Variants in PKNOX2 observed in about 807,000 individuals in gnomAD.
PKNOX2 encodes the protein PBX/knotted 1 homeobox 2.
A neutral mutation model predicts 53.1 loss-of-function variants in PKNOX2; 14 were observed. That is an observed-to-expected ratio of 0.26 (90% CI 0.17 to 0.41). The LOEUF is 0.41. Ranked by LOEUF, PKNOX2 falls within the 10% of genes least tolerant of loss-of-function variation. PKNOX2 has a pLI of 1.00. For synonymous variants in PKNOX2, 257 were observed against 242.8 expected (o/e 1.06, Z -0.54); for missense variants, 496 against 602.8 (o/e 0.82, Z 1.85).
intron 8 of PKNOX2, 42 bp from the exon 9 acceptor site, chr11:125,410,737 C>A: frequency 1.3e-6 from 2 of 1,482,056 alleles, no homozygotes; most frequent in Non-Finnish European, 1.9e-6. Context: ...CGCTCCTACC[C>A]ACTCCCATGG....
In PKNOX2 at chr11:125,386,713, A is replaced by AACACACACACACACACACACACACAC. The variant is rs3138544; in HGVS notation, c.399+1006_399+1031dup. Among the ~76,000 whole-genome samples, 331 of 141,098 alleles carry AACACACACACACACACACACACACAC rather than the reference A, an allele frequency of 2.3e-3. 4 individuals carry two copies. Among genetic ancestry groups the AACACACACACACACACACACACACAC allele is most frequent in the African/African-American group, 6.7e-3 (249 of 37,272 alleles). 92.6% of individuals were successfully genotyped at this position (141,098 alleles called of 152,430 possible). On this transcript the variant is annotated intron_variant, in intron 6 of 12. Coordinates refer to ENST00000298282, the MANE Select transcript of PKNOX2 (RefSeq NM_001382323.2). ...TGTGGTTCCAGAAAGGAAGAAAAAG[A>AACACACACACACACACACACACACAC]ACACACACACACACACACACACACA...
rs1238369147 is a variant in PKNOX2, at chr11:125,432,559, G to C, written c.*1167G>C. 6.5e-6 allele frequency: 1 copy of C among 152,672 alleles called. No individual in the cohort carries two copies. 9.5% of individuals were successfully genotyped at this position (152,672 alleles called of 1,614,324 possible). A position where few individuals can be genotyped will look rare whatever the true frequency, so the allele number is the denominator to read the frequency against. On this transcript the variant is annotated 3_prime_UTR_variant, in exon 13 of 13. Transcript: ENST00000298282. ...GAGAATGGCACCCAAGAGCCTGCGG[G>C]GATGCCCATCCCACACACCCCACCC...
chr11:125,224,309 G>A (rs1326947372), intron 1 of PKNOX2, among the ~76,000 whole-genome samples: 1 of 152,264 alleles, frequency 6.6e-6, no homozygotes, highest in Non-Finnish European at 1.5e-5. Flanking sequence ...CTGCTCAGGA[G>A]AGAGATTGTT....
At chr11:125,256,925 G>A (rs1169156750) in intron 2 of PKNOX2, among the ~76,000 whole-genome samples, 1 of 152,002 alleles carries the variant, frequency 6.6e-6, no homozygotes, top group South Asian at 2.1e-4. Flanking sequence ...TGAGAATTGC[G>A]AGATAATTAA....
At chr11:125,346,205 C>G (rs1252989513) in intron 3 of PKNOX2, among the ~76,000 whole-genome samples, 5 of 151,802 alleles carry the variant, frequency 3.3e-5, no homozygotes, top group Non-Finnish European at 5.9e-5. Context: ...GGAGGGGTAA[C>G]CTGGGGGCGT....
rs560834948 is a variant in PKNOX2, at chr11:125,216,604, C to T, written c.-200-18441C>T. Reference sequence around the variant, plus strand: ...AGGGGTGTGTGTTTTCCCCTGTGCTCTGGTCGTCTGTGAAAACTGAGAGAC... The same window carrying T: ...AGGGGTGTGTGTTTTCCCCTGTGCTTTGGTCGTCTGTGAAAACTGAGAGAC... On this transcript the variant is annotated intron_variant, in intron 1 of 12. Transcript: ENST00000298282. Among the ~76,000 whole-genome samples, 8 of 152,306 alleles carry T rather than the reference C, an allele frequency of 5.3e-5. No individual in the cohort carries two copies. In the South Asian group the frequency reaches 1.7e-3, roughly 32 times the overall value.
intron 2 of PKNOX2, among the ~76,000 whole-genome samples, chr11:125,314,874 T>A (rs992337970): frequency 5.3e-5 from 8 of 152,150 alleles, no homozygotes; most frequent in African/African-American, 1.7e-4. Context: ...AAAAGGAGAC[T>A]ATTCCTTTCC....
Position 125,251,860 on chromosome 11 carries a change from A to G in PKNOX2, c.-130+16745A>G, listed in dbSNP as rs148806849. On this transcript the variant is annotated intron_variant, in intron 2 of 12. Transcript: ENST00000298282. ...GTGATGGCCTCAGTGATGTTATTTTATATCAATCAAGTTTTTTTTTTTAGT... is the reference window on the plus strand; with the variant it reads ...GTGATGGCCTCAGTGATGTTATTTTGTATCAATCAAGTTTTTTTTTTTAGT... Among the ~76,000 whole-genome samples the G allele has an allele frequency of 3.4e-3, 510 of 151,080 alleles. 1 individual carries two copies. Among genetic ancestry groups the G allele is most frequent in the Middle Eastern group, 6.9e-3 (2 of 288 alleles).
At chr11:125,300,055 C>T (rs1167074410) in intron 2 of PKNOX2, among the ~76,000 whole-genome samples, 3 of 152,188 alleles carry the variant, frequency 2.0e-5, no homozygotes, top group East Asian at 1.9e-4. Context: ...GTGGAGTCAC[C>T]GGCCTGTCAA....
At chr11:125,344,024 G>A (rs2136170335) in intron 3 of PKNOX2, among the ~76,000 whole-genome samples, 1 of 152,270 alleles carries the variant, frequency 6.6e-6, no homozygotes, top group South Asian at 2.1e-4. Flanking sequence ...CATGGAGGAG[G>A]GAGCGGCTGA....
chr11:125,276,949 G>T (rs1459976253), intron 2 of PKNOX2, among the ~76,000 whole-genome samples: 1 of 152,214 alleles, frequency 6.6e-6, no homozygotes, highest in Admixed American at 6.5e-5. Flanking sequence ...AGCCCAGGTG[G>T]TCAGCATGGC....
chr11:125,402,542 G>C (rs545001501), intron 7 of PKNOX2, among the ~76,000 whole-genome samples: 1 of 152,266 alleles, frequency 6.6e-6, no homozygotes, highest in Non-Finnish European at 1.5e-5. Context: ...GGCACTCACT[G>C]TATGTTCTGT....
intron 1 of PKNOX2, among the ~76,000 whole-genome samples, chr11:125,212,706 G>C (rs1940017751): frequency 2.0e-5 from 3 of 151,906 alleles, no homozygotes; most frequent in Admixed American, 6.6e-5. Context: ...CCTGTGGAGA[G>C]GAGGCAGGAT....
intron 6 of PKNOX2, among the ~76,000 whole-genome samples, chr11:125,388,842 C>T (rs1305251774): frequency 2.0e-5 from 3 of 152,196 alleles, no homozygotes; most frequent in Non-Finnish European, 4.4e-5. Context: ...CCATTAGCCA[C>T]CTGCTCCCAC....
chr11:125,206,270 C>T lies in PKNOX2; in HGVS notation c.-200-28775C>T, dbSNP rs1939099083. On this transcript the variant is annotated intron_variant, in intron 1 of 12. Coordinates refer to ENST00000298282, the MANE Select transcript of PKNOX2 (RefSeq NM_001382323.2). ...GAGGGATTGTAGGCTCGGACTGATG[C>T]TGTTCAGGAGGTTGGCAGGAACCAG... Among the ~76,000 whole-genome samples, 2 of 151,992 alleles carry T rather than the reference C, an allele frequency of 1.3e-5. 1 individual carries two copies. The highest frequency in any genetic ancestry group is 2.9e-5 in the Non-Finnish European group (2 of 67,972).
At chr11:125,373,554 G>C (rs1952667192) in intron 5 of PKNOX2, among the ~76,000 whole-genome samples, 1 of 152,264 alleles carries the variant, frequency 6.6e-6, no homozygotes, top group Admixed American at 6.5e-5. Flanking sequence ...GAACCTGGCA[G>C]GTGGTCCACA....
At chr11:125,206,515 G>C (rs1939128051) in intron 1 of PKNOX2, among the ~76,000 whole-genome samples, 1 of 152,084 alleles carries the variant, frequency 6.6e-6, no homozygotes, top group South Asian at 2.1e-4. Flanking sequence ...CAAATGCCTT[G>C]CTAAGGAGCG....
chr11:125,204,667 A>G (rs539737052), intron 1 of PKNOX2, among the ~76,000 whole-genome samples: 15 of 152,214 alleles, frequency 9.9e-5, no homozygotes, highest in African/African-American at 3.4e-4. Flanking sequence ...TCCCATTTCA[A>G]TTGTGAATTG....
intron 2 of PKNOX2, among the ~76,000 whole-genome samples, chr11:125,284,290 T>C (rs1946761959): frequency 6.6e-6 from 1 of 152,220 alleles, no homozygotes; most frequent in Non-Finnish European, 1.5e-5. Context: ...GTAGGAGGGC[T>C]CTGCCTCTGG....
Sources: allele counts gnomAD v4.1 joint callset (sites outside exome capture counted in the v4.1 genomes callset), GRCh38; gene constraint gnomAD v4.1.1; transcripts MANE v1.5; gene names NCBI Gene and HGNC (gene_info 2026-07-23, HGNC 2026-07-21).